Variants in SUSD1 observed in about 807,000 individuals in gnomAD.
The protein encoded by SUSD1 is sushi domain-containing protein 1.
A neutral mutation model predicts 86.9 loss-of-function variants in SUSD1; 65 were observed. The observed-to-expected ratio is 0.75, with a 90% CI of 0.61 to 0.92. The LOEUF is 0.92. SUSD1 is among the 40% of genes least tolerant of loss of function. The probability of loss-of-function intolerance (pLI) is 0.00; values close to 1 mark genes in which losing one functional copy is unlikely to be tolerated. For missense variants in SUSD1, 850 were observed against 929.7 expected, an observed-to-expected ratio of 0.91 and a Z score of 1.11; for synonymous variants, 346 against 350.0, an observed-to-expected ratio of 0.99 and a Z score of 0.13.
intron 13 of SUSD1, among the ~76,000 whole-genome samples, chr9:112,059,350 G>C (rs758087348): frequency 1.3e-4 from 20 of 152,236 alleles, no homozygotes; most frequent in Non-Finnish European, 2.4e-4. Context: ...GACCTGATCA[G>C]TGATTTTCAC....
intron 5 of SUSD1, among the ~76,000 whole-genome samples, chr9:112,126,357 A>G (rs1364400813): frequency 6.6e-6 from 1 of 152,212 alleles, no homozygotes; most frequent in Non-Finnish European, 1.5e-5. Context: ...AAAAGGGATA[A>G]AAGTACAAAA....
chr9:112,124,710 C>T (rs1831695267), intron 5 of SUSD1, among the ~76,000 whole-genome samples: 1 of 152,166 alleles, frequency 6.6e-6, no homozygotes, highest in African/African-American at 2.4e-5. Context: ...CTAAATATTA[C>T]AGTTCTCTAG....
chr9:112,130,491 AG>A, intron 5 of SUSD1, among the ~76,000 whole-genome samples: 1 of 147,256 alleles, frequency 6.8e-6, no homozygotes, highest in South Asian at 2.2e-4. Context: ...AAGGAGAGGG[AG>A]AGGAGAAGGA....
chr9:112,131,820 T>A (rs1018016584), intron 5 of SUSD1, among the ~76,000 whole-genome samples: 1 of 152,228 alleles, frequency 6.6e-6, no homozygotes, highest in Non-Finnish European at 1.5e-5. Context: ...AACGTTTGCA[T>A]CTGCATCAGA....
At chr9:112,114,093 A>C (rs750217952) in intron 6 of SUSD1, among the ~76,000 whole-genome samples, 54 of 152,244 alleles carry the variant, frequency 3.5e-4, no homozygotes, top group Non-Finnish European at 7.2e-4. Context: ...GTTGCGGGAT[A>C]CAAGGTCAAT....
intron 10 of SUSD1, among the ~76,000 whole-genome samples, chr9:112,084,586 G>A (rs7870068): frequency 7.2e-5 from 11 of 151,950 alleles, no homozygotes; most frequent in Admixed American, 2.0e-4. Context: ...CTCTAGGTTC[G>A]CTTCCCTCCA....
chr9:112,149,233 T>C lies in SUSD1; in HGVS notation c.373+11A>G, dbSNP rs1832939090. On this transcript the variant is annotated intron_variant, in intron 3 of 16. Transcript: ENST00000374270. ...GCCAATTGTCAACACCGCAGCCCCC[T>C]TCTTGAGTACCTGTACAAAAGGTGC... The C allele has an allele frequency of 1.2e-6, 2 of 1,613,788 alleles. No homozygotes were observed. The highest frequency in any genetic ancestry group is 1.7e-6 in the Non-Finnish European group (2 of 1,179,710).
chr9:112,090,478 T>C (rs1830160846), intron 10 of SUSD1, among the ~76,000 whole-genome samples: 1 of 152,116 alleles, frequency 6.6e-6, no homozygotes, highest in Non-Finnish European at 1.5e-5. Flanking sequence ...TCCCAGGGCA[T>C]AAATAATGAA....
At chr9:112,145,798 C>T (rs1832785638) in intron 3 of SUSD1, among the ~76,000 whole-genome samples, 1 of 152,086 alleles carries the variant, frequency 6.6e-6, no homozygotes, top group Non-Finnish European at 1.5e-5. Context: ...CAAGAAGTGC[C>T]ACAGAGCTTC....
chr9:112,054,469 C>T (rs1253982729), intron 14 of SUSD1, among the ~76,000 whole-genome samples: 3 of 152,042 alleles, frequency 2.0e-5, no homozygotes, highest in African/African-American at 7.3e-5. Flanking sequence ...CAGCTGTAGT[C>T]CCAGCTACTT....
intron 2 of SUSD1, among the ~76,000 whole-genome samples, chr9:112,151,685 T>C (rs1383879601): frequency 1.3e-5 from 2 of 151,936 alleles, no homozygotes; most frequent in East Asian, 1.9e-4. Context: ...GCAGATCACC[T>C]GAGGTCAGGA....
chr9:112,109,883 A>G (rs1044213744), intron 8 of SUSD1, among the ~76,000 whole-genome samples: 3 of 152,250 alleles, frequency 2.0e-5, no homozygotes, highest in Admixed American at 6.5e-5. Flanking sequence ...TTATTTATAT[A>G]CAAATGTCAA....
intron 8 of SUSD1, among the ~76,000 whole-genome samples, chr9:112,104,400 A>G (rs1830750759): frequency 6.6e-6 from 1 of 151,938 alleles, no homozygotes; most frequent in Non-Finnish European, 1.5e-5. Flanking sequence ...GCTAATAATA[A>G]TAATAGTAAT....
intron 3 of SUSD1, among the ~76,000 whole-genome samples, 200 bp downstream of exon 3, chr9:112,149,044 C>T (rs781953): frequency 6.6e-6 from 1 of 151,952 alleles, no homozygotes; most frequent in African/African-American, 2.4e-5. Context: ...ACTAAAGGAA[C>T]ACTATTATAG....
intron 1 of SUSD1, among the ~76,000 whole-genome samples, chr9:112,170,706 T>TAG (rs765076866): frequency 0.033 from 2,903 of 88,178 alleles, 44 homozygotes; most frequent in South Asian, 0.072. Flanking sequence ...TATATATATA[T>TAG]ATATAGAGAG....
intron 15 of SUSD1, among the ~76,000 whole-genome samples, chr9:112,051,469 T>C (rs1828207482): frequency 6.7e-6 from 1 of 150,110 alleles, no homozygotes. Flanking sequence ...TTTGCCTTTG[T>C]TGCCCAGGCT....
At chr9:112,159,552 G>A (rs960856684) in intron 1 of SUSD1, among the ~76,000 whole-genome samples, 1 of 152,092 alleles carries the variant, frequency 6.6e-6, no homozygotes, top group African/African-American at 2.4e-5. Context: ...AAATGTTAAA[G>A]GCTGAATTAT....
intron 1 of SUSD1, among the ~76,000 whole-genome samples, chr9:112,165,853 A>AGAAGGAAGGAAG (rs140281162): frequency 1.6e-4 from 23 of 144,486 alleles, no homozygotes; most frequent in African/African-American, 5.0e-4. Context: ...AAAGAGAAAG[A>AGAAGGAAGGAAG]GAAGGAAGGA....
Position 112,163,550 on chromosome 9 carries a change from A to AT in SUSD1, c.104-5938dup, listed in dbSNP as rs113703161. ...CTACTTGTGAAGCTGATGTGGGAGGATTTTTTGAGCTCAGGAGATCAAGGC... is the reference window on the plus strand; with the variant it reads ...CTACTTGTGAAGCTGATGTGGGAGGATTTTTTTGAGCTCAGGAGATCAAGGC... On this transcript the variant is annotated intron_variant, in intron 1 of 16. Coordinates refer to ENST00000374270, the MANE Select transcript of SUSD1 (RefSeq NM_022486.5). 3.9e-3 allele frequency among the ~76,000 whole-genome samples: 586 copies of AT among 151,716 alleles called. 7 individuals carry two copies. The highest frequency in any genetic ancestry group is 0.013 in the African/African-American group (556 of 41,338).
Sources: gnomAD v4.1 joint callset for allele counts (sites outside exome capture counted in the v4.1 genomes callset) on GRCh38, gnomAD v4.1.1 for gene constraint, MANE v1.5 for transcripts, NCBI Gene and HGNC (gene_info 2026-07-23, HGNC 2026-07-21) for gene names.